Variants in CPNE8 observed in about 807,000 individuals in gnomAD.
The protein encoded by CPNE8 is copine 8.
A neutral mutation model predicts 81.5 loss-of-function variants in CPNE8; 45 were observed. The observed-to-expected ratio is 0.55, with a 90% CI of 0.44 to 0.71. The LOEUF (loss-of-function observed/expected upper bound fraction) is 0.71, where lower values mean the gene tolerates loss of function less well. Ranked by LOEUF, CPNE8 falls within the 30% of genes least tolerant of loss-of-function variation. The pLI is 0.00. For missense variants in CPNE8, 594 were observed against 672.1 expected, an observed-to-expected ratio of 0.88 and a Z score of 1.28; for synonymous variants, 252 against 226.3, an observed-to-expected ratio of 1.11 and a Z score of -1.02.
intron 6 of CPNE8, among the ~76,000 whole-genome samples, chr12:38,781,967 C>T (rs1189334077): frequency 6.6e-6 from 1 of 152,042 alleles, no homozygotes; most frequent in African/African-American, 2.4e-5. Flanking sequence ...AGAAAGTGTA[C>T]ATCCTGAAAT....
At chr12:38,838,038 T>C (rs1171266135) in intron 5 of CPNE8, among the ~76,000 whole-genome samples, 1 of 152,142 alleles carries the variant, frequency 6.6e-6, no homozygotes, top group African/African-American at 2.4e-5. Flanking sequence ...TACCTTCCTA[T>C]CCCATACACT....
chr12:38,871,294 T>C (rs1484458643), intron 3 of CPNE8, among the ~76,000 whole-genome samples: 1 of 152,222 alleles, frequency 6.6e-6, no homozygotes, highest in East Asian at 1.9e-4. Context: ...TCATTTGCAC[T>C]GGCCCAGATG....
intron 6 of CPNE8, among the ~76,000 whole-genome samples, chr12:38,777,241 A>G (rs1941955670): frequency 6.6e-6 from 1 of 152,138 alleles, no homozygotes; most frequent in Non-Finnish European, 1.5e-5. Context: ...TTTGTGTCTT[A>G]GTTTTTAACA....
chr12:38,751,563 T>G (rs1941353618), intron 10 of CPNE8, among the ~76,000 whole-genome samples: 2 of 152,200 alleles, frequency 1.3e-5, no homozygotes, highest in South Asian at 4.1e-4. Flanking sequence ...TGTGGGATGT[T>G]GAGTTAGAAA....
chr12:38,890,686 T>C (rs1011678313), intron 1 of CPNE8, among the ~76,000 whole-genome samples: 2 of 152,080 alleles, frequency 1.3e-5, no homozygotes, highest in African/African-American at 4.8e-5. Context: ...AGTGAAACCA[T>C]CACGTGCTGC....
chr12:38,674,357 A>G (rs1939242253), intron 18 of CPNE8, among the ~76,000 whole-genome samples: 2 of 152,204 alleles, frequency 1.3e-5, no homozygotes, highest in Non-Finnish European at 2.9e-5. Flanking sequence ...GGAGTCTGAG[A>G]GACCTGAGAT....
intron 18 of CPNE8, among the ~76,000 whole-genome samples, chr12:38,674,742 G>T (rs1299859443): frequency 6.6e-6 from 1 of 152,152 alleles, no homozygotes; most frequent in African/African-American, 2.4e-5. Context: ...CTTGCCTGTG[G>T]TGCTTTACCT....
Position 38,693,715 on chromosome 12 carries a change from G to A in CPNE8, c.1085C>T (p.Ala362Val). 6.2e-7 allele frequency: 1 copy of A among 1,613,442 alleles called. No individual in the cohort carries two copies. ...AGGCAGTTTTGCACCAAATCCTAGA[G>A]CTGGAAACATTTTATCACTGTCATA... ...QDYDSDKMFP[A>V]LGFGAKLPPD... The change falls in exon 15 of 20, where the codon GCT becomes GTT. Residue 362 changes from alanine (A) to valine (V), a missense_variant. Transcript: ENST00000331366.
chr12:38,761,823 T>C (rs1471487517), intron 9 of CPNE8, among the ~76,000 whole-genome samples: 1 of 152,170 alleles, frequency 6.6e-6, no homozygotes, highest in Non-Finnish European at 1.5e-5. Context: ...TATTTCAGGG[T>C]TGACAATATG....
At chr12:38,869,978 A>G (rs1943967238) in intron 3 of CPNE8, among the ~76,000 whole-genome samples, 1 of 152,252 alleles carries the variant, frequency 6.6e-6, no homozygotes, top group Non-Finnish European at 1.5e-5. Context: ...ATAAGAAAAT[A>G]TTAATAAAGC....
At position 38,738,860 on chromosome 12, in the gene CPNE8, C is replaced by T. The variant is rs566374692; in HGVS notation, c.723-8502G>A. Among the ~76,000 whole-genome samples, 5 of 138,858 alleles carry T rather than the reference C, an allele frequency of 3.6e-5. No individual in the cohort carries two copies. The East Asian group carries it at 1.1e-3, about 29-fold the overall frequency. 91.1% of individuals were successfully genotyped at this position (138,858 alleles called of 152,430 possible). On this transcript the variant is annotated intron_variant, in intron 10 of 19. Coordinates refer to ENST00000331366, the MANE Select transcript of CPNE8 (RefSeq NM_153634.3). ...ACAGGGTCTTGCTCTGTTGCCCATA[C>T]TGGAATGCAGTGGCATGATCTTGGT...
chr12:38,720,169 A>T (rs1940523281), intron 13 of CPNE8, among the ~76,000 whole-genome samples: 1 of 152,208 alleles, frequency 6.6e-6, no homozygotes, highest in East Asian at 1.9e-4. Context: ...AATAACTAGC[A>T]TTTCTTCCTG....
chr12:38,746,743 C>G (rs1941234229), intron 10 of CPNE8, among the ~76,000 whole-genome samples: 1 of 152,056 alleles, frequency 6.6e-6, no homozygotes, highest in African/African-American at 2.4e-5. Flanking sequence ...CGTCATAAAG[C>G]AGGTATTATC....
intron 6 of CPNE8, among the ~76,000 whole-genome samples, chr12:38,778,103 T>C (rs963131231): frequency 3.3e-5 from 5 of 152,184 alleles, no homozygotes; most frequent in Non-Finnish European, 7.3e-5. Flanking sequence ...TGTATAATTA[T>C]TTCATTATAA....
At chr12:38,865,137 A>C (rs1351639061) in intron 3 of CPNE8, among the ~76,000 whole-genome samples, 1 of 152,162 alleles carries the variant, frequency 6.6e-6, no homozygotes. Context: ...CACTAACAAG[A>C]ATGGAAATAT....
chr12:38,885,314 TAAAG>T (rs1944222626), intron 1 of CPNE8, among the ~76,000 whole-genome samples: 2 of 152,134 alleles, frequency 1.3e-5, no homozygotes, highest in Admixed American at 1.3e-4. Flanking sequence ...AAAAATGACT[TAAAG>T]AAGTGAATTG....
intron 1 of CPNE8, among the ~76,000 whole-genome samples, chr12:38,896,255 G>A (rs2137154196): frequency 6.6e-6 from 1 of 152,138 alleles, no homozygotes; most frequent in East Asian, 1.9e-4. Context: ...CCCTCAGAAG[G>A]TCTGCAACAT....
intron 6 of CPNE8, among the ~76,000 whole-genome samples, chr12:38,823,512 C>A: frequency 6.6e-6 from 1 of 152,186 alleles, no homozygotes; most frequent in Admixed American, 6.5e-5. Flanking sequence ...AGCCTTTGCC[C>A]TCCTAAACGT....
At chr12:38,787,180 T>C (rs1565614989) in intron 6 of CPNE8, among the ~76,000 whole-genome samples, 1 of 152,132 alleles carries the variant, frequency 6.6e-6, no homozygotes, top group African/African-American at 2.4e-5. Flanking sequence ...ACATGGATCA[T>C]TCTCAAGGAT....
Sources: gnomAD v4.1 joint callset for allele counts (sites outside exome capture counted in the v4.1 genomes callset) on GRCh38, gnomAD v4.1.1 for gene constraint, MANE v1.5 for transcripts, NCBI Gene and HGNC (gene_info 2026-07-23, HGNC 2026-07-21) for gene names.